LRMDA: variants seen among roughly 807,000 people sequenced by gnomAD.
LRMDA encodes the protein leucine-rich melanocyte differentiation-associated protein.
In LRMDA, 18 loss-of-function variants were observed where a neutral mutation model predicts 29.8. The observed-to-expected ratio is 0.60, with a 90% confidence interval of 0.42 to 0.90. The LOEUF (loss-of-function observed/expected upper bound fraction) is 0.90. Ranked by LOEUF, LRMDA falls within the 40% of genes least tolerant of loss-of-function variation. LRMDA has a pLI of 0.00. For missense variants in LRMDA, 273 were observed against 273.9 expected, an observed-to-expected ratio of 1.00 and a Z score of 0.02; for synonymous variants, 125 against 109.4, an observed-to-expected ratio of 1.14 and a Z score of -0.89.
intron 2 of LRMDA, among the ~76,000 whole-genome samples, chr10:75,489,183 C>A (rs1236743753): frequency 6.6e-6 from 1 of 150,742 alleles, no homozygotes; most frequent in Non-Finnish European, 1.5e-5. Flanking sequence ...ACAGCAGTCA[C>A]CCCATTGTGG....
chr10:75,777,460 A>G (rs1843327477), intron 2 of LRMDA, among the ~76,000 whole-genome samples: 3 of 152,136 alleles, frequency 2.0e-5, no homozygotes, highest in Admixed American at 2.0e-4. Flanking sequence ...CTTTTCTCAG[A>G]CAGAGCTGTC....
intron 5 of LRMDA, among the ~76,000 whole-genome samples, chr10:76,154,733 C>G (rs1850506533): frequency 6.6e-6 from 1 of 152,192 alleles, no homozygotes; most frequent in Non-Finnish European, 1.5e-5. Flanking sequence ...CATTCAGCAT[C>G]AAATAGTATA....
chr10:76,156,420 T>C (rs1356232383), intron 5 of LRMDA, among the ~76,000 whole-genome samples: 1 of 152,160 alleles, frequency 6.6e-6, no homozygotes, highest in Non-Finnish European at 1.5e-5. Flanking sequence ...GATTCTTCCA[T>C]TATTCTTTCC....
chr10:76,283,200 T>A (rs893556580), intron 5 of LRMDA, among the ~76,000 whole-genome samples: 8 of 152,226 alleles, frequency 5.3e-5, no homozygotes, highest in Non-Finnish European at 4.4e-5. Flanking sequence ...TTAACCAGTT[T>A]ATTGATTATC....
At chr10:76,088,306 A>T (rs1253423314) in intron 5 of LRMDA, among the ~76,000 whole-genome samples, 2 of 152,148 alleles carry the variant, frequency 1.3e-5, no homozygotes, top group Non-Finnish European at 2.9e-5. Context: ...CCCTGGAATG[A>T]GCTGAGTGAG....
chr10:76,009,290 A>G (rs889011232), intron 2 of LRMDA, among the ~76,000 whole-genome samples: 3 of 152,110 alleles, frequency 2.0e-5, no homozygotes, highest in African/African-American at 7.2e-5. Flanking sequence ...TTCTCACTAC[A>G]CTAAGATGCA....
At chr10:76,006,732 G>A (rs1016285271) in intron 2 of LRMDA, among the ~76,000 whole-genome samples, 9 of 152,052 alleles carry the variant, frequency 5.9e-5, no homozygotes, top group African/African-American at 2.2e-4. Context: ...AAGGGGAATC[G>A]AAATTATTAG....
intron 2 of LRMDA, among the ~76,000 whole-genome samples, chr10:75,624,300 A>G (rs900685311): frequency 2.0e-5 from 3 of 152,210 alleles, no homozygotes; most frequent in African/African-American, 7.2e-5. Context: ...TATAGGTTTT[A>G]TGTGGGAATG....
intron 2 of LRMDA, among the ~76,000 whole-genome samples, chr10:75,814,901 C>T (rs902184151): frequency 6.6e-6 from 1 of 152,144 alleles, no homozygotes; most frequent in Non-Finnish European, 1.5e-5. Flanking sequence ...AATCGTTGCA[C>T]ATTATTGAAA....
At chr10:76,373,312 T>C (rs1176630083) in intron 6 of LRMDA, among the ~76,000 whole-genome samples, 1 of 152,142 alleles carries the variant, frequency 6.6e-6, no homozygotes, top group African/African-American at 2.4e-5. Context: ...TCCATCAGCA[T>C]TGGCGATGTG....
At chr10:75,746,365 G>A (rs763313499) in intron 2 of LRMDA, among the ~76,000 whole-genome samples, 2 of 152,142 alleles carry the variant, frequency 1.3e-5, no homozygotes, top group East Asian at 1.9e-4. Context: ...GGGGTAAATC[G>A]TAAAACTACT....
intron 6 of LRMDA, among the ~76,000 whole-genome samples, chr10:76,532,080 G>A (rs1038106678): frequency 2.6e-5 from 4 of 152,198 alleles, no homozygotes; most frequent in East Asian, 1.9e-4. Context: ...AGAACATGGA[G>A]GTTTGTTACA....
intron 5 of LRMDA, among the ~76,000 whole-genome samples, chr10:76,270,981 G>A (rs1275328547): frequency 2.0e-5 from 3 of 152,170 alleles, no homozygotes; most frequent in African/African-American, 7.2e-5. Context: ...GATTTGATAA[G>A]TGCACAGTAG....
intron 5 of LRMDA, among the ~76,000 whole-genome samples, chr10:76,159,392 A>G (rs74150528): frequency 0.027 from 4,126 of 152,270 alleles, 183 homozygotes; most frequent in African/African-American, 0.091. Context: ...CCAAATGCGG[A>G]TGAGGATGTA....
chr10:75,622,672 T>A (rs541624480), intron 2 of LRMDA, among the ~76,000 whole-genome samples: 31 of 152,312 alleles, frequency 2.0e-4, no homozygotes, highest in Non-Finnish European at 3.2e-4. Context: ...AGGAACATGA[T>A]TCCAAACTCA....
At chr10:76,317,738 T>C (rs1444187100) in intron 5 of LRMDA, among the ~76,000 whole-genome samples, 6 of 152,140 alleles carry the variant, frequency 3.9e-5, no homozygotes, top group Admixed American at 3.3e-4. Flanking sequence ...CACACCCAGC[T>C]AATTTTTGTA....
intron 2 of LRMDA, among the ~76,000 whole-genome samples, chr10:75,740,088 G>T (rs1191793986): frequency 1.3e-5 from 2 of 152,110 alleles, no homozygotes; most frequent in Non-Finnish European, 2.9e-5. Context: ...CATTTAAGAG[G>T]CTCTATAAAA....
At chr10:75,936,866 G>A (rs1226745502) in intron 2 of LRMDA, among the ~76,000 whole-genome samples, 2 of 152,098 alleles carry the variant, frequency 1.3e-5, no homozygotes, top group Non-Finnish European at 2.9e-5. Context: ...TATGGCTTTT[G>A]GGACACAAAC....
In LRMDA at chr10:75,706,713, T is replaced by C. The variant is rs1842373604; in HGVS notation, c.131+268219T>C. On this transcript the variant is annotated intron_variant, in intron 2 of 6. Coordinates refer to ENST00000611255, the MANE Select transcript of LRMDA (RefSeq NM_001305581.2). The stretch of plus-strand genomic sequence containing the variant: ...TTAAATCACGAGACAATCCTATACG[T>C]TGAGAATTATTGGTACCACTTTTTT... Among the ~76,000 whole-genome samples, 3 of 150,886 alleles carry C rather than the reference T, an allele frequency of 2.0e-5. No individual in the cohort carries two copies. The South Asian group carries it at 6.3e-4, about 32-fold the overall frequency.
Sources: allele counts gnomAD v4.1 joint callset (sites outside exome capture counted in the v4.1 genomes callset), GRCh38; gene constraint gnomAD v4.1.1; transcripts MANE v1.5; gene names NCBI Gene and HGNC (gene_info 2026-07-23, HGNC 2026-07-21).